The following ADGB variants were observed in gnomAD, a reference collection of about 807,000 sequenced individuals.
ADGB encodes the protein calpain-7-like protein.
ADGB carries 172 observed loss-of-function variants against 210.5 expected under a neutral mutation model. The observed-to-expected ratio is 0.82, with a 90% CI of 0.72 to 0.93. The LOEUF is 0.93. Ranked by LOEUF, ADGB falls within the 40% of genes least tolerant of loss-of-function variation. The pLI is 0.00. For missense variants in ADGB, 2,025 were observed against 1,964.8 expected, an observed-to-expected ratio of 1.03 and a Z score of -0.58; for synonymous variants, 658 against 662.7, an observed-to-expected ratio of 0.99 and a Z score of 0.11.
chr6:146,814,278 T>G (rs1341139279), intron 35 of ADGB, among the ~76,000 whole-genome samples: 1 of 152,238 alleles, frequency 6.6e-6, no homozygotes, highest in Non-Finnish European at 1.5e-5. Flanking sequence ...GACTAGCATC[T>G]GTGCTTTAAT....
At chr6:146,659,800 G>T (rs1191729566) in intron 5 of ADGB, among the ~76,000 whole-genome samples, 1 of 152,084 alleles carries the variant, frequency 6.6e-6, no homozygotes, top group East Asian at 1.9e-4. Flanking sequence ...CCTTCCAATG[G>T]CAGCATTCCT....
At chr6:146,805,037 C>CAGTAAAACGGTA (rs1164394857) in intron 35 of ADGB, among the ~76,000 whole-genome samples, 2 of 152,176 alleles carry the variant, frequency 1.3e-5, no homozygotes, top group African/African-American at 2.4e-5. Context: ...TGGCTAAAAA[C>CAGTAAAACGGTA]AGTAAAACGG....
intron 23 of ADGB, among the ~76,000 whole-genome samples, chr6:146,739,131 C>T (rs1399609250): frequency 6.6e-6 from 1 of 152,092 alleles, no homozygotes; most frequent in African/African-American, 2.4e-5. Flanking sequence ...CTGGAAATCA[C>T]ACTCTTATTT....
intron 33 of ADGB, among the ~76,000 whole-genome samples, chr6:146,793,585 C>T (rs1583642057): frequency 6.6e-6 from 1 of 152,190 alleles, no homozygotes. Flanking sequence ...CCATCTGTAG[C>T]TTGATGGCCT....
At chr6:146,778,727 C>A (rs1382017382) in intron 29 of ADGB, among the ~76,000 whole-genome samples, 1 of 152,150 alleles carries the variant, frequency 6.6e-6, no homozygotes, top group Admixed American at 6.5e-5. Context: ...ACACTTGTGA[C>A]AAGGTCTCCA....
intron 27 of ADGB, among the ~76,000 whole-genome samples, chr6:146,759,383 A>G (rs1236189604): frequency 1.3e-5 from 2 of 151,810 alleles, no homozygotes; most frequent in Non-Finnish European, 3.0e-5. Context: ...TATAAGGTCA[A>G]TTTAAAACTT....
At chr6:146,668,537 A>G (rs111700748) in intron 7 of ADGB, among the ~76,000 whole-genome samples, 3,114 of 152,268 alleles carry the variant, frequency 0.02, 51 homozygotes, top group Non-Finnish European at 0.031. Flanking sequence ...TATTATCTAA[A>G]TGACTTCCTG....
intron 27 of ADGB, 144 bp downstream of exon 27, chr6:146,752,858 A>T (rs1777343975): frequency 4.3e-6 from 3 of 692,298 alleles, no homozygotes; most frequent in East Asian, 6.6e-5. Context: ...CAAGTATAGC[A>T]TTTGCATGTC....
intron 20 of ADGB, 134 bp from the exon 21 acceptor site, chr6:146,732,986 A>C: frequency 1.6e-6 from 1 of 641,552 alleles, no homozygotes; most frequent in South Asian, 4.0e-5. Context: ...ACTTCAAAGA[A>C]TCTTCTGTTA....
At chr6:146,777,401 T>C (rs1447821841) in intron 29 of ADGB, among the ~76,000 whole-genome samples, 4 of 152,136 alleles carry the variant, frequency 2.6e-5, no homozygotes, top group Non-Finnish European at 5.9e-5. Context: ...ACTTCCATAT[T>C]TAATTGTTAG....
At chr6:146,611,222 G>A (rs1780704388) in intron 1 of ADGB, among the ~76,000 whole-genome samples, 1 of 151,944 alleles carries the variant, frequency 6.6e-6, no homozygotes, top group Non-Finnish European at 1.5e-5. Context: ...CTGCAAGCAG[G>A]TGAGGCCGGG....
chr6:146,733,005 G>A (rs927102740), intron 20 of ADGB, 115 bp from the exon 21 acceptor site: 9 of 822,652 alleles, frequency 1.1e-5, no homozygotes, highest in African/African-American at 1.8e-5. Context: ...TAGGTTGCGT[G>A]TACATCTGAG....
intron 1 of ADGB, among the ~76,000 whole-genome samples, chr6:146,612,355 G>T (rs1435832582): frequency 6.6e-6 from 1 of 152,142 alleles, no homozygotes; most frequent in East Asian, 1.9e-4. Context: ...CTCCAAATTA[G>T]ATCAGTCTAA....
chr6:146,712,772 C>T, intron 13 of ADGB, among the ~76,000 whole-genome samples: 1 of 152,152 alleles, frequency 6.6e-6, no homozygotes, highest in African/African-American at 2.4e-5. Flanking sequence ...GAAATACACA[C>T]AACATTTACC....
intron 27 of ADGB, among the ~76,000 whole-genome samples, chr6:146,762,791 C>T (rs1393068822): frequency 6.6e-6 from 1 of 152,092 alleles, no homozygotes; most frequent in African/African-American, 2.4e-5. Context: ...CAACTGAATG[C>T]TCTGCATATT....
intron 35 of ADGB, 86 bp from the exon 36 acceptor site, chr6:146,814,946 G>A (rs1211277086): frequency 1.0e-5 from 14 of 1,333,690 alleles, no homozygotes; most frequent in Non-Finnish European, 1.2e-5. Flanking sequence ...CGTAAGGACA[G>A]GGTAAAGGAA....
At chr6:146,806,995 C>T (rs547566628) in intron 35 of ADGB, among the ~76,000 whole-genome samples, 19 of 152,204 alleles carry the variant, frequency 1.2e-4, no homozygotes, top group Non-Finnish European at 2.5e-4. Context: ...GGAGCTTCAT[C>T]ATCAAGTATA....
chr6:146,745,056 T>A (rs1777209494), intron 25 of ADGB, among the ~76,000 whole-genome samples: 1 of 152,180 alleles, frequency 6.6e-6, no homozygotes. Flanking sequence ...GCAATTCTCA[T>A]CTCATTATGG....
chr6:146,763,566 A>G (rs1212379952), intron 27 of ADGB, among the ~76,000 whole-genome samples: 3 of 152,220 alleles, frequency 2.0e-5, no homozygotes, highest in African/African-American at 7.2e-5. Context: ...TAAGTGTGAT[A>G]ACATACATAT....
Sources: gnomAD v4.1 joint callset for allele counts (sites outside exome capture counted in the v4.1 genomes callset) on GRCh38, gnomAD v4.1.1 for gene constraint, MANE v1.5 for transcripts, NCBI Gene and HGNC (gene_info 2026-07-23, HGNC 2026-07-21) for gene names.